LRRC36: variants seen among roughly 807,000 people sequenced by gnomAD.
LRRC36 encodes leucine rich repeat containing 36, also known as leucine-rich repeat-containing protein 36.
Under a neutral mutation model 81.1 loss-of-function variants are expected in LRRC36, and 62 were observed. The ratio of observed to expected loss-of-function variants is 0.76; its 90% CI spans 0.62 to 0.94. LRRC36 has a LOEUF of 0.94. Ranked by LOEUF, LRRC36 falls within the 40% of genes least tolerant of loss-of-function variation. LRRC36 has a pLI of 0.00. For missense variants in LRRC36, 761 were observed against 881.7 expected (o/e 0.86, Z 1.73); for synonymous variants, 334 against 348.6 (o/e 0.96, Z 0.47).
intron 10 of LRRC36, among the ~76,000 whole-genome samples, chr16:67,376,316 A>T (rs1321527056): frequency 6.6e-6 from 1 of 152,214 alleles, no homozygotes; most frequent in Non-Finnish European, 1.5e-5. Context: ...TCGGAAAACA[A>T]ACAAACAAAT....
In LRRC36 at chr16:67,355,928, G is replaced by A. The variant is rs553611013; in HGVS notation, c.577+5638G>A. Among the ~76,000 whole-genome samples, 128 of 152,278 alleles carry A rather than the reference G, an allele frequency of 8.4e-4. 1 individual carries two copies. The highest frequency in any genetic ancestry group is 1.9e-4 in the Non-Finnish European group (13 of 68,022). On this transcript the variant is annotated intron_variant, in intron 5 of 13. Coordinates refer to ENST00000329956, the MANE Select transcript of LRRC36 (RefSeq NM_018296.6). ...AGGAGCAGCACATTTTGATTGGTGG[G>A]GTTGGTGTGAATTACTGTCTGGAAG...
At chr16:67,355,654 G>A (rs1016354333) in intron 5 of LRRC36, among the ~76,000 whole-genome samples, 1 of 151,936 alleles carries the variant, frequency 6.6e-6, no homozygotes, top group Non-Finnish European at 1.5e-5. Context: ...GATTACAGGC[G>A]TGAGCCACCG....
At chr16:67,356,281 A>T (rs2038899517) in intron 5 of LRRC36, among the ~76,000 whole-genome samples, 1 of 152,196 alleles carries the variant, frequency 6.6e-6, no homozygotes, top group African/African-American at 2.4e-5. Flanking sequence ...ATTGAAATCC[A>T]TCCCACTTCA....
At chr16:67,371,500 A>G in intron 9 of LRRC36, 1 of 506,440 alleles carries the variant, frequency 2.0e-6, no homozygotes. Context: ...CTGAAGATTG[A>G]ACTCTGTAGC....
At chr16:67,365,728 C>T (rs117114957) in intron 7 of LRRC36, among the ~76,000 whole-genome samples, 1,639 of 152,188 alleles carry the variant, frequency 0.011, 7 homozygotes, top group Non-Finnish European at 0.015. Flanking sequence ...CCTTAACTTA[C>T]ATAATTTTTA....
chr16:67,351,079 C>A (rs901597410), intron 5 of LRRC36, among the ~76,000 whole-genome samples: 1 of 152,014 alleles, frequency 6.6e-6, no homozygotes, highest in African/African-American at 2.4e-5. Flanking sequence ...GTGGTTATGC[C>A]ACATTAATGG....
At chr16:67,370,915 G>T (rs931776506) in intron 8 of LRRC36, 29 bp from the exon 9 acceptor site, 1 of 1,593,692 alleles carries the variant, frequency 6.3e-7, no homozygotes, top group Non-Finnish European at 8.6e-7. Context: ...CAGAGGGCAG[G>T]TTCATCTGTT....
At chr16:67,345,776 A>G (rs2038316819) in intron 2 of LRRC36, among the ~76,000 whole-genome samples, 1 of 151,484 alleles carries the variant, frequency 6.6e-6, no homozygotes, top group Admixed American at 6.6e-5. Context: ...ACATACACAC[A>G]CACACACTTT....
At chr16:67,367,482 G>A (rs982132616) in intron 8 of LRRC36, 25 bp downstream of exon 8, 4 of 1,580,380 alleles carry the variant, frequency 2.5e-6, no homozygotes, top group Non-Finnish European at 3.4e-6. Context: ...TCAGTTTACA[G>A]GTCTTCTTCA....
chr16:67,364,209 G>A (rs181543565), intron 6 of LRRC36, among the ~76,000 whole-genome samples: 4 of 152,340 alleles, frequency 2.6e-5, no homozygotes, highest in Non-Finnish European at 2.9e-5. Flanking sequence ...GCAATGGGAA[G>A]ATAGAGATCA....
chr16:67,374,753 G>A (rs925304441), intron 9 of LRRC36, among the ~76,000 whole-genome samples: 2 of 151,966 alleles, frequency 1.3e-5, no homozygotes, highest in Non-Finnish European at 2.9e-5. Flanking sequence ...TATTATCCTG[G>A]AATATCTTAT....
chr16:67,345,918 G>A (rs1276121384), intron 2 of LRRC36, among the ~76,000 whole-genome samples: 2 of 152,126 alleles, frequency 1.3e-5, no homozygotes, highest in Non-Finnish European at 2.9e-5. Context: ...ATGTGGCTTG[G>A]CCACTGGGAA....
chr16:67,376,902 G>A, intron 11 of LRRC36, 30 bp downstream of exon 11: 2 of 1,582,214 alleles, frequency 1.3e-6, no homozygotes, highest in Non-Finnish European at 1.7e-6. Context: ...CTTTAGAAAA[G>A]GACAGAGCAG....
intron 2 of LRRC36, among the ~76,000 whole-genome samples, chr16:67,343,841 G>A (rs1365449011): frequency 6.6e-6 from 1 of 151,784 alleles, no homozygotes; most frequent in Non-Finnish European, 1.5e-5. Context: ...TTTTGAGACA[G>A]AGTCTCACTC....
chr16:67,332,277 G>A (rs2037530137), intron 1 of LRRC36, among the ~76,000 whole-genome samples: 1 of 152,182 alleles, frequency 6.6e-6, no homozygotes, highest in South Asian at 2.1e-4. Context: ...GAAACGGCCA[G>A]GCGCGGTGGC....
Position 67,347,501 on chromosome 16 carries a change from G to A in LRRC36, c.398G>A (p.Arg133Gln), listed in dbSNP as rs768183658. 8.1e-6 allele frequency: 13 copies of A among 1,612,908 alleles called. No homozygotes were observed. Among genetic ancestry groups the A allele is most frequent in the African/African-American group, 4.0e-5 (3 of 74,890 alleles). ...TLQTLEKLDD[R>Q]TVREGERKAA... ...CCACGGTTTTTGCCTCCAGATGACC[G>A]AACTGTACGTGAAGGTGAGAGAAAA... The change falls in exon 4 of 14, where the codon CGA (arginine) becomes CAA (glutamine). Residue 133 changes from arginine to glutamine, a missense_variant. By Grantham distance (43) the Arg-to-Gln change is conservative. Around this residue, in one of 3 missense-constraint regions of LRRC36, gnomAD observed 263 missense variants for 279.3 expected, o/e 0.94. Coordinates refer to ENST00000329956, the MANE Select transcript of LRRC36 (RefSeq NM_018296.6).
At chr16:67,330,436 A>G (rs2037429069) in intron 1 of LRRC36, among the ~76,000 whole-genome samples, 1 of 152,234 alleles carries the variant, frequency 6.6e-6, no homozygotes, top group South Asian at 2.1e-4. Flanking sequence ...GAAAGGCAGC[A>G]TAAAAGCTTG....
chr16:67,334,064 T>C (rs1227159216), intron 1 of LRRC36, among the ~76,000 whole-genome samples: 1 of 152,134 alleles, frequency 6.6e-6, no homozygotes, highest in African/African-American at 2.4e-5. Flanking sequence ...GGAGTCTCAC[T>C]CTGTTGCCCA....
At chr16:67,335,808 C>T (rs997004855) in intron 1 of LRRC36, among the ~76,000 whole-genome samples, 23 of 151,998 alleles carry the variant, frequency 1.5e-4, no homozygotes, top group African/African-American at 3.9e-4. Context: ...TCTTGGCTCA[C>T]GGCAGCCTCC....
Sources: allele counts gnomAD v4.1 joint callset (sites outside exome capture counted in the v4.1 genomes callset), GRCh38; gene constraint gnomAD v4.1.1; regional missense constraint gnomAD v4.1.1; transcripts MANE v1.5; gene names NCBI Gene and HGNC (gene_info 2026-07-23, HGNC 2026-07-21).